Variants in GLIS3 observed in about 807,000 individuals in gnomAD.
GLIS3 encodes the protein GLIS family zinc finger 3.
A neutral mutation model predicts 78.6 loss-of-function variants in GLIS3; 53 were observed. That is an observed-to-expected ratio of 0.67 (90% CI 0.54 to 0.85). The LOEUF (loss-of-function observed/expected upper bound fraction) is 0.85, where lower values mean the gene tolerates loss of function less well. Ranked by LOEUF, GLIS3 falls within the 40% of genes least tolerant of loss-of-function variation. GLIS3 has a pLI of 0.00. For missense variants in GLIS3, 1,703 were observed against 1,231.1 expected, an observed-to-expected ratio of 1.38 and a Z score of -5.74; for synonymous variants, 684 against 509.9, an observed-to-expected ratio of 1.34 and a Z score of -4.60.
At chr9:4,294,400 T>G (rs978251281) in intron 1 of GLIS3, among the ~76,000 whole-genome samples, 6 of 151,894 alleles carry the variant, frequency 4.0e-5, no homozygotes, top group Non-Finnish European at 5.9e-5. Context: ...TCCCAACTAC[T>G]TGGGAGGCTG....
chr9:4,366,569 T>C, the GLIS3 span, among the ~76,000 whole-genome samples: 2 of 152,182 alleles, frequency 1.3e-5, no homozygotes, highest in African/African-American at 2.4e-5. Flanking sequence ...TCATGAATTT[T>C]AAAAACCATG....
At chr9:4,154,741 T>G (rs1049771090) in intron 2 of GLIS3, among the ~76,000 whole-genome samples, 1 of 152,156 alleles carries the variant, frequency 6.6e-6, no homozygotes, top group African/African-American at 2.4e-5. Flanking sequence ...TATATAAACC[T>G]TTGGGGAAGC....
Position 4,117,875 on chromosome 9 carries a change from T to C in GLIS3, c.1603A>G (p.Thr535Ala), listed in dbSNP as rs779645810. The change falls in exon 4 of 11, where the codon ACT becomes GCT. Residue 535 changes from threonine to alanine, a missense_variant. Coordinates refer to ENST00000381971, the MANE Select transcript of GLIS3 (RefSeq NM_001042413.2). Reference sequence around the variant, plus strand: ...CGAGGGCAACCGGCCCAGAAGCAAGTGAAGTCCTCCCCTTTGCGCTGGTCG... The same window carrying C: ...CGAGGGCAACCGGCCCAGAAGCAAGCGAAGTCCTCCCCTTTGCGCTGGTCG... ...HIDQRKGEDF[T>A]CFWAGCPRRY... 8.7e-6 allele frequency: 14 copies of C among 1,614,002 alleles called. No homozygotes were observed. The highest frequency in any genetic ancestry group is 1.1e-5 in the Non-Finnish European group (13 of 1,180,034).
chr9:3,861,212 T>C (rs1217855815), intron 8 of GLIS3, among the ~76,000 whole-genome samples: 1 of 152,190 alleles, frequency 6.6e-6, no homozygotes, highest in Admixed American at 6.5e-5. Context: ...AGAACGTCTA[T>C]AGAGTTCTTA....
At chr9:4,249,369 A>T (rs952602395) in intron 2 of GLIS3, among the ~76,000 whole-genome samples, 1 of 152,090 alleles carries the variant, frequency 6.6e-6, no homozygotes, top group Non-Finnish European at 1.5e-5. Context: ...TAGGTATTTT[A>T]TCCTCTTTGT....
intron 4 of GLIS3, among the ~76,000 whole-genome samples, chr9:4,006,520 G>A (rs147535821): frequency 6.6e-6 from 1 of 152,138 alleles, no homozygotes. Context: ...TGGTTTGCTG[G>A]TGAGGGGTGC....
chr9:4,408,102 A>T, the GLIS3 span, among the ~76,000 whole-genome samples: 1,188 of 152,306 alleles, frequency 7.8e-3, 14 homozygotes, highest in Non-Finnish European at 0.012. Flanking sequence ...CTTTTATCCA[A>T]GTCAGGCAAT....
At chr9:4,253,189 T>G (rs1028131738) in intron 2 of GLIS3, among the ~76,000 whole-genome samples, 6 of 152,194 alleles carry the variant, frequency 3.9e-5, no homozygotes, top group Non-Finnish European at 7.3e-5. Context: ...CAGGAACGTT[T>G]AAGTCTGCTG....
At chr9:4,297,987 G>A (rs1816718069) in intron 1 of GLIS3, among the ~76,000 whole-genome samples, 1 of 152,144 alleles carries the variant, frequency 6.6e-6, no homozygotes, top group Non-Finnish European at 1.5e-5. Flanking sequence ...GGGTACGCGC[G>A]GCTGCGACCC....
At chr9:4,349,074 A>T (rs907306561), upstream of GLIS3, among the ~76,000 whole-genome samples, 1 of 152,214 alleles carries the variant, frequency 6.6e-6, no homozygotes, top group Admixed American at 6.5e-5. Flanking sequence ...TGCAACATAA[A>T]AATAGGAGAA....
At chr9:3,935,602 A>G (rs1018365344) in intron 5 of GLIS3, among the ~76,000 whole-genome samples, 1 of 152,234 alleles carries the variant, frequency 6.6e-6, no homozygotes, top group African/African-American at 2.4e-5. Context: ...TCTCAAGACA[A>G]TCTTGTCTCA....
intron 2 of GLIS3, among the ~76,000 whole-genome samples, chr9:4,342,951 T>C (rs1249325360): frequency 6.6e-6 from 1 of 152,236 alleles, no homozygotes; most frequent in Admixed American, 6.5e-5. Context: ...TTTTGTATCC[T>C]CAAACTTTGC....
intron 4 of GLIS3, among the ~76,000 whole-genome samples, chr9:4,059,154 G>T (rs1826410671): frequency 6.6e-6 from 1 of 152,126 alleles, no homozygotes; most frequent in South Asian, 2.1e-4. Context: ...TTGAGGGTGG[G>T]ATCAGGCCTT....
At chr9:3,988,229 G>A (rs919544169) in intron 4 of GLIS3, among the ~76,000 whole-genome samples, 1 of 152,062 alleles carries the variant, frequency 6.6e-6, no homozygotes, top group Non-Finnish European at 1.5e-5. Flanking sequence ...CATTCTCAAT[G>A]AAGAAAAAGA....
chr9:4,471,106 G>A, the GLIS3 span, among the ~76,000 whole-genome samples: 1 of 152,148 alleles, frequency 6.6e-6, no homozygotes, highest in East Asian at 1.9e-4. Flanking sequence ...AAATAAAAGA[G>A]GACACAAACA....
chr9:3,906,129 T>C (rs1285742420), intron 6 of GLIS3, among the ~76,000 whole-genome samples: 1 of 152,178 alleles, frequency 6.6e-6, no homozygotes, highest in Non-Finnish European at 1.5e-5. Context: ...CTGGACAAAT[T>C]GCCAGAGGTC....
intron 2 of GLIS3, among the ~76,000 whole-genome samples, chr9:4,264,242 C>CA (rs529286254): frequency 1.8e-3 from 276 of 152,288 alleles, no homozygotes; most frequent in African/African-American, 6.4e-3. Context: ...TATTGCTGCA[C>CA]AACCAATCCT....
the GLIS3 span, among the ~76,000 whole-genome samples, chr9:4,407,369 G>C: frequency 5.3e-5 from 8 of 152,222 alleles, no homozygotes; most frequent in African/African-American, 1.9e-4. Context: ...AAACTGACCG[G>C]GCAAGGTGGC....
the GLIS3 span, among the ~76,000 whole-genome samples, chr9:4,361,194 G>T: frequency 6.6e-6 from 1 of 152,170 alleles, no homozygotes; most frequent in African/African-American, 2.4e-5. Context: ...TCTGTAGAAA[G>T]GAGCAGTTTC....
Sources: allele counts gnomAD v4.1 joint callset (sites outside exome capture counted in the v4.1 genomes callset), GRCh38; gene constraint gnomAD v4.1.1; transcripts MANE v1.5; gene names NCBI Gene and HGNC (gene_info 2026-07-23, HGNC 2026-07-21).